IQCM: variants seen among roughly 807,000 people sequenced by gnomAD.
The protein encoded by IQCM is IQ motif containing M.
IQCM carries 45 observed loss-of-function variants against 57.6 expected under a neutral mutation model. That is an observed-to-expected ratio of 0.78 (90% confidence interval 0.62 to 1.00). The LOEUF is 1.00. Ranked by LOEUF, IQCM falls within the 50% of genes least tolerant of loss-of-function variation. The probability of loss-of-function intolerance (pLI) is 0.00; values close to 1 mark genes in which losing one functional copy is unlikely to be tolerated. For synonymous variants in IQCM, 148 were observed against 158.9 expected (o/e 0.93, Z 0.51); for missense variants, 468 against 511.6 (o/e 0.91, Z 0.82).
intron 5 of IQCM, among the ~76,000 whole-genome samples, chr4:149,692,008 C>A (rs191480663): frequency 6.6e-6 from 1 of 152,124 alleles, no homozygotes. Context: ...ACAGCAGAGA[C>A]AATTAGTACT....
At chr4:149,755,386 C>T (rs184186077) in intron 2 of IQCM, among the ~76,000 whole-genome samples, 23 of 152,292 alleles carry the variant, frequency 1.5e-4, no homozygotes, top group African/African-American at 4.8e-4. Flanking sequence ...CCCTCCAGCC[C>T]CTCAATCCCT....
At chr4:149,814,104 T>C (rs928751465) in intron 2 of IQCM, among the ~76,000 whole-genome samples, 3 of 152,038 alleles carry the variant, frequency 2.0e-5, no homozygotes, top group Non-Finnish European at 4.4e-5. Flanking sequence ...ATGGTTAAGA[T>C]ACAGAAAATC....
At chr4:149,389,447 TG>T (rs1434357883) in intron 13 of IQCM, among the ~76,000 whole-genome samples, 1 of 151,778 alleles carries the variant, frequency 6.6e-6, no homozygotes, top group Admixed American at 6.6e-5. Flanking sequence ...AGCAAAGACT[TG>T]GAACCAACCC....
intron 5 of IQCM, among the ~76,000 whole-genome samples, chr4:149,722,211 T>C (rs1765507856): frequency 6.6e-6 from 1 of 152,142 alleles, no homozygotes; most frequent in Admixed American, 6.5e-5. Context: ...GTCAGATGCA[T>C]GGTTTGCAAA....
At chr4:149,576,982 T>A (rs535612753) in intron 9 of IQCM, among the ~76,000 whole-genome samples, 1 of 152,012 alleles carries the variant, frequency 6.6e-6, no homozygotes, top group Non-Finnish European at 1.5e-5. Context: ...ATTTCTCCAC[T>A]GATTAGTGAT....
intron 12 of IQCM, among the ~76,000 whole-genome samples, chr4:149,540,039 C>T (rs1747694186): frequency 6.6e-6 from 1 of 151,826 alleles, no homozygotes; most frequent in Non-Finnish European, 1.5e-5. Context: ...GAGATATGAC[C>T]TTTAAAGAAG....
At chr4:149,436,006 T>C (rs1735328827) in intron 12 of IQCM, among the ~76,000 whole-genome samples, 2 of 152,090 alleles carry the variant, frequency 1.3e-5, no homozygotes, top group Non-Finnish European at 2.9e-5. Flanking sequence ...AAAACTGTTG[T>C]TATAAAGTTA....
At chr4:149,624,260 A>T (rs1205119885) in intron 7 of IQCM, among the ~76,000 whole-genome samples, 1 of 152,184 alleles carries the variant, frequency 6.6e-6, no homozygotes, top group African/African-American at 2.4e-5. Flanking sequence ...AAGGTCCCAT[A>T]GAATCCAACT....
At chr4:149,475,238 A>G (rs1343216390) in intron 12 of IQCM, among the ~76,000 whole-genome samples, 1 of 152,202 alleles carries the variant, frequency 6.6e-6, no homozygotes, top group East Asian at 1.9e-4. Flanking sequence ...GGTAGAGCCC[A>G]TAGGTTTTCC....
intron 5 of IQCM, among the ~76,000 whole-genome samples, chr4:149,722,453 T>C (rs907781326): frequency 2.6e-5 from 4 of 152,124 alleles, no homozygotes; most frequent in African/African-American, 9.7e-5. Context: ...TTAATCTATC[T>C]TAATTTTTGC....
chr4:149,626,392 C>CATAT lies in IQCM; in HGVS notation c.566-5152_566-5149dup, dbSNP rs371051488. On this transcript the variant is annotated intron_variant, in intron 7 of 13. Coordinates refer to ENST00000636793, the MANE Select transcript of IQCM (RefSeq NM_001363507.2). ...GATTGTGTTAGTTATACTTAATAAA[C>CATAT]ATATATATATATAAGTTTATAGCAA... Among the ~76,000 whole-genome samples, 203 of 120,562 alleles carry CATAT rather than the reference C, an allele frequency of 1.7e-3. 14 individuals are homozygous for CATAT. The highest frequency in any genetic ancestry group is 5.6e-3 in the African/African-American group (181 of 32,200). The allele number at this position is 120,562 out of a possible 152,430, so 79.1% of individuals were successfully genotyped here. A position where few individuals can be genotyped will look rare whatever the true frequency, so the allele number is the denominator to read the frequency against.
intron 7 of IQCM, among the ~76,000 whole-genome samples, chr4:149,654,428 T>C (rs1045460955): frequency 2.6e-5 from 4 of 151,960 alleles, no homozygotes; most frequent in Non-Finnish European, 5.9e-5. Context: ...AACTCCCTCA[T>C]CTCCTCATGC....
At chr4:149,494,893 C>T (rs1047153627) in intron 12 of IQCM, among the ~76,000 whole-genome samples, 2 of 152,084 alleles carry the variant, frequency 1.3e-5, no homozygotes, top group Non-Finnish European at 2.9e-5. Flanking sequence ...GTTTCTTTGG[C>T]TGCTGGTTAG....
rs550572310 is a variant in IQCM at position 149,595,017 on chromosome 4, C to T, written c.682-7020G>A. Among the ~76,000 whole-genome samples, 6 of 152,230 alleles carry T rather than the reference C, an allele frequency of 3.9e-5. 1 individual carries two copies. In the South Asian group the frequency reaches 1.2e-3, roughly 32 times the overall value. ...TTCAATTTCTGGATATCCTTGTTAA[C>T]TTTCTGTCTCGTTGATCTGTCTAAT... On this transcript the variant is annotated intron_variant, in intron 8 of 13. Transcript: ENST00000636793.
chr4:149,417,058 C>T (rs143896831), intron 13 of IQCM, among the ~76,000 whole-genome samples: 1 of 152,176 alleles, frequency 6.6e-6, no homozygotes, highest in African/African-American at 2.4e-5. Context: ...ATATGGTTTC[C>T]AGTTTTACAA....
At chr4:149,692,897 C>A (rs565568701) in intron 5 of IQCM, among the ~76,000 whole-genome samples, 28 of 151,688 alleles carry the variant, frequency 1.8e-4, no homozygotes, top group African/African-American at 6.8e-4. Context: ...AAAGGGAGAC[C>A]AGGGCAAAAA....
chr4:149,370,472 C>G (rs1161754939), intron 13 of IQCM, among the ~76,000 whole-genome samples: 1 of 151,840 alleles, frequency 6.6e-6, no homozygotes, highest in South Asian at 2.1e-4. Context: ...TTGTCCTCCT[C>G]CGCCCAGAGG....
chr4:149,466,788 A>C (rs1738901932), intron 12 of IQCM, among the ~76,000 whole-genome samples: 1 of 152,192 alleles, frequency 6.6e-6, no homozygotes, highest in African/African-American at 2.4e-5. Context: ...TTTACTTCCC[A>C]GAATTTATTG....
intron 5 of IQCM, among the ~76,000 whole-genome samples, chr4:149,706,470 T>A (rs923837405): frequency 6.6e-6 from 1 of 151,944 alleles, no homozygotes; most frequent in African/African-American, 2.4e-5. Flanking sequence ...ACTCCATTCC[T>A]TCCATTGATC....
Sources: gnomAD v4.1 joint callset for allele counts (sites outside exome capture counted in the v4.1 genomes callset) on GRCh38, gnomAD v4.1.1 for gene constraint, MANE v1.5 for transcripts, NCBI Gene and HGNC (gene_info 2026-07-23, HGNC 2026-07-21) for gene names.